Variants in GRID2 observed in about 807,000 individuals in gnomAD.
GRID2 encodes glutamate receptor ionotropic, delta-2.
In GRID2, 33 loss-of-function variants were observed where a neutral mutation model predicts 114.8. The ratio of observed to expected loss-of-function variants is 0.29; its 90% CI spans 0.22 to 0.38. The LOEUF (loss-of-function observed/expected upper bound fraction) is 0.38. Among genes scored for constraint, GRID2 ranks in the 10% least tolerant of loss-of-function variants. The pLI, the probability that GRID2 is intolerant of heterozygous loss-of-function variation, is 1.00. For missense variants in GRID2, 1,184 were observed against 1,257.7 expected (o/e 0.94, Z 0.89); for synonymous variants, 505 against 449.9 (o/e 1.12, Z -1.55).
At chr4:92,728,795 CAG>C (rs1736184780) in intron 2 of GRID2, among the ~76,000 whole-genome samples, 1 of 151,816 alleles carries the variant, frequency 6.6e-6, no homozygotes, top group Non-Finnish European at 1.5e-5. Context: ...AATGTTGAAA[CAG>C]AAATATGAGG....
At chr4:92,543,091 T>C (rs534287631) in intron 1 of GRID2, among the ~76,000 whole-genome samples, 2 of 152,204 alleles carry the variant, frequency 1.3e-5, no homozygotes, top group East Asian at 1.9e-4. Flanking sequence ...CTGTCAGATA[T>C]TATAAAGGAA....
rs546749482 is a variant in GRID2, at chr4:93,316,397, G to A, written c.1245+77907G>A. Reference sequence around the variant, plus strand: ...AAAGAAAGAAAGAATAGAAAAGGAAGGAAGGAAGGAGAAGAAAAGAATGAA... The same window carrying A: ...AAAGAAAGAAAGAATAGAAAAGGAAAGAAGGAAGGAGAAGAAAAGAATGAA... On this transcript the variant is annotated intron_variant, in intron 8 of 15. Coordinates refer to ENST00000282020, the MANE Select transcript of GRID2 (RefSeq NM_001510.4). Among the ~76,000 whole-genome samples the A allele has an allele frequency of 2.0e-5, 3 of 151,328 alleles. No individual in the cohort carries two copies. The South Asian group carries it at 6.3e-4, about 32-fold the overall frequency.
At chr4:92,505,129 A>T (rs1384069912) in intron 1 of GRID2, among the ~76,000 whole-genome samples, 1 of 152,010 alleles carries the variant, frequency 6.6e-6, no homozygotes, top group Non-Finnish European at 1.5e-5. Flanking sequence ...TGGCTTTTTG[A>T]ATAGCCTCAT....
At chr4:93,645,264 A>G (rs1411486123) in intron 14 of GRID2, among the ~76,000 whole-genome samples, 1 of 152,214 alleles carries the variant, frequency 6.6e-6, no homozygotes, top group East Asian at 1.9e-4. Flanking sequence ...AGTCATTAAC[A>G]AAAGAGAAGC....
intron 13 of GRID2, among the ~76,000 whole-genome samples, chr4:93,542,060 C>A (rs958051498): frequency 1.3e-5 from 2 of 152,162 alleles, no homozygotes; most frequent in Admixed American, 6.6e-5. Flanking sequence ...CCTCACATAG[C>A]CCTCTTTAAT....
chr4:92,689,419 C>A (rs929777119), intron 2 of GRID2, among the ~76,000 whole-genome samples: 3 of 152,158 alleles, frequency 2.0e-5, no homozygotes, highest in Non-Finnish European at 4.4e-5. Flanking sequence ...GCTAGCTCTT[C>A]TAAATCAGGG....
At chr4:92,346,383 G>A (rs1727763026) in intron 1 of GRID2, among the ~76,000 whole-genome samples, 1 of 151,992 alleles carries the variant, frequency 6.6e-6, no homozygotes, top group African/African-American at 2.4e-5. Flanking sequence ...TGTTTTGTTT[G>A]CGACAGGGTC....
chr4:93,084,342 T>C (rs1452695280), intron 2 of GRID2, among the ~76,000 whole-genome samples: 1 of 152,202 alleles, frequency 6.6e-6, no homozygotes, highest in East Asian at 1.9e-4. Context: ...GGAACCAGAA[T>C]GAGACACTGG....
At chr4:92,944,817 T>G (rs968164158) in intron 2 of GRID2, among the ~76,000 whole-genome samples, 3 of 152,234 alleles carry the variant, frequency 2.0e-5, no homozygotes, top group Non-Finnish European at 2.9e-5. Context: ...ATCAATATTT[T>G]GAATATGTAA....
intron 1 of GRID2, among the ~76,000 whole-genome samples, chr4:92,519,601 TTA>T (rs141787614): frequency 2.0e-4 from 30 of 149,552 alleles, no homozygotes; most frequent in East Asian, 5.9e-4. Flanking sequence ...ATATATGAGA[TTA>T]TATATATATA....
chr4:93,573,603 C>T (rs183881143), intron 13 of GRID2, among the ~76,000 whole-genome samples: 1 of 152,168 alleles, frequency 6.6e-6, no homozygotes. Context: ...AAAGCATGGA[C>T]TATCTATTAA....
intron 1 of GRID2, among the ~76,000 whole-genome samples, chr4:92,546,417 AGT>A (rs1272440537): frequency 6.6e-6 from 1 of 152,192 alleles, no homozygotes; most frequent in Non-Finnish European, 1.5e-5. Flanking sequence ...CCATAAAAAG[AGT>A]GTTTTGAAAG....
intron 2 of GRID2, among the ~76,000 whole-genome samples, chr4:92,626,587 C>A (rs970411061): frequency 6.6e-6 from 1 of 151,880 alleles, no homozygotes; most frequent in Admixed American, 6.6e-5. Flanking sequence ...GGAAGTGGAG[C>A]CTTAGCACAT....
At position 92,766,577 on chromosome 4, in the gene GRID2, T is replaced by A. The variant is rs190010505; in HGVS notation, c.244+176291T>A. On this transcript the variant is annotated intron_variant, in intron 2 of 15. Transcript: ENST00000282020. ...AAAAAAGGACACTTTCACTAAGGAA[T>A]GGTAATGTATGAATGAATAAGTTGA... Among the ~76,000 whole-genome samples, 206 of 147,482 alleles carry A rather than the reference T, an allele frequency of 1.4e-3. 3 individuals are homozygous for A. The highest frequency in any genetic ancestry group is 0.012 in the Admixed American group (180 of 14,778).
At chr4:93,711,584 A>G (rs1327411933) in intron 14 of GRID2, among the ~76,000 whole-genome samples, 1 of 152,100 alleles carries the variant, frequency 6.6e-6, no homozygotes, top group Non-Finnish European at 1.5e-5. Flanking sequence ...AGTGGGATGG[A>G]TGATTCCCCT....
At chr4:92,748,738 T>G (rs1448414906) in intron 2 of GRID2, among the ~76,000 whole-genome samples, 2 of 150,824 alleles carry the variant, frequency 1.3e-5, no homozygotes, top group Non-Finnish European at 3.0e-5. Flanking sequence ...CTCACCTCAC[T>G]GTAACCTCCA....
intron 8 of GRID2, among the ~76,000 whole-genome samples, chr4:93,355,323 G>A (rs1369656767): frequency 7.2e-6 from 1 of 138,744 alleles, no homozygotes; most frequent in African/African-American, 2.6e-5. Flanking sequence ...CTGACACCTT[G>A]GTTGAGCTGG....
At chr4:92,490,344 A>C (rs1723092473) in intron 1 of GRID2, among the ~76,000 whole-genome samples, 1 of 152,194 alleles carries the variant, frequency 6.6e-6, no homozygotes, top group African/African-American at 2.4e-5. Context: ...TTGATTTGTA[A>C]AACCTGGAAT....
At position 93,238,505 on chromosome 4, in the gene GRID2, A is replaced by G. The variant is rs1266150641; in HGVS notation, c.1245+15A>G. Reference sequence around the variant, plus strand: ...GTGTTCGAAAAGTAAGACAAGACACACTGATTAATACGCTTTTTCCTATAC... The same window carrying G: ...GTGTTCGAAAAGTAAGACAAGACACGCTGATTAATACGCTTTTTCCTATAC... On this transcript the variant is annotated intron_variant, in intron 8 of 15. Transcript: ENST00000282020. 1.2e-6 allele frequency: 2 copies of G among 1,603,622 alleles called. No homozygotes were observed. The highest frequency in any genetic ancestry group is 2.2e-5 in the East Asian group (1 of 44,590).
Sources: allele counts gnomAD v4.1 joint callset (sites outside exome capture counted in the v4.1 genomes callset), GRCh38; gene constraint gnomAD v4.1.1; transcripts MANE v1.5; gene names NCBI Gene and HGNC (gene_info 2026-07-23, HGNC 2026-07-21).